Variants in MMRN1 observed in about 807,000 individuals in gnomAD.
MMRN1 encodes multimerin-1.
In MMRN1, 94 loss-of-function variants were observed where a neutral mutation model predicts 100.7. The observed-to-expected ratio is 0.93, with a 90% confidence interval of 0.79 to 1.11. MMRN1 has a LOEUF of 1.11. Among genes scored for constraint, MMRN1 ranks in the 50% least tolerant of loss-of-function variants. The probability of loss-of-function intolerance (pLI) is 0.00; values close to 1 mark genes in which losing one functional copy is unlikely to be tolerated. For missense variants in MMRN1, 1,606 were observed against 1,439.1 expected (o/e 1.12, Z -1.88); for synonymous variants, 575 against 505.0 (o/e 1.14, Z -1.86).
At chr4:89,888,294 G>A (rs1720980890) in intron 1 of MMRN1, among the ~76,000 whole-genome samples, 1 of 151,672 alleles carries the variant, frequency 6.6e-6, no homozygotes, top group Admixed American at 6.6e-5. Context: ...TACTTTTGAA[G>A]GATATTTTTA....
At chr4:89,916,716 T>C (rs1721932385) in intron 3 of MMRN1, among the ~76,000 whole-genome samples, 1 of 151,446 alleles carries the variant, frequency 6.6e-6, no homozygotes, top group Non-Finnish European at 1.5e-5. Context: ...ATTTACTCTC[T>C]CCTCTCCTTC....
rs936052684 is a variant in MMRN1 at position 89,935,612 on chromosome 4, T to C, written c.1932T>C (p.Tyr644=). The C allele has an allele frequency of 6.2e-7, 1 of 1,613,438 alleles. No homozygotes were observed. Among genetic ancestry groups the C allele is most frequent in the Non-Finnish European group, 8.5e-7 (1 of 1,179,742 alleles). The part of the protein sequence containing the change: ...KMSEQLNDLT[Y]DMEILQPLLE... ...GTGAGCAACTAAATGATTTGACTTATGATATGGAGATCCTTCAACCCTTGC... is the reference window on the plus strand; with the variant it reads ...GTGAGCAACTAAATGATTTGACTTACGATATGGAGATCCTTCAACCCTTGC... Residue 644 remains tyrosine, a synonymous_variant, in exon 6 of 8, where the codon TAT becomes TAC. Coordinates refer to ENST00000264790, the MANE Select transcript of MMRN1 (RefSeq NM_007351.3).
In MMRN1 at chr4:89,936,004, T is replaced by G. The variant is rs1005886232; in HGVS notation, c.2324T>G (p.Phe775Cys). Residue 775 changes from phenylalanine (F) to cysteine (C), a missense_variant, in exon 6 of 8, where the codon TTT becomes TGT. Transcript: ENST00000264790. ...TCCGATATGGAAACTATTTTGACAT[T>G]TATTCCTCAGTTCCACCGTCTGAAT... ...CTSDMETILT[F>C]IPQFHRLNDS... The G allele has an allele frequency of 1.9e-6, 3 of 1,613,162 alleles. No individual in the cohort carries two copies. In the African/African-American group the frequency reaches 4.0e-5, roughly 22 times the overall value.
At chr4:89,929,812 G>A (rs974638303) in intron 5 of MMRN1, among the ~76,000 whole-genome samples, 2 of 152,222 alleles carry the variant, frequency 1.3e-5, no homozygotes, top group South Asian at 4.1e-4. Flanking sequence ...CCACCTCCAA[G>A]GTGCTGTGCT....
In MMRN1 at chr4:89,936,505, A is replaced by G. The variant is rs1722644963; in HGVS notation, c.2825A>G (p.Asn942Ser). The G allele has an allele frequency of 6.2e-7, 1 of 1,613,330 alleles. No individual in the cohort carries two copies. Among genetic ancestry groups the G allele is most frequent in the Non-Finnish European group, 8.5e-7 (1 of 1,179,700 alleles). Residue 942 changes from asparagine (N) to serine (S), a missense_variant, in exon 6 of 8, where the codon AAT becomes AGT. By Grantham distance (46) the Asn-to-Ser change is conservative. Coordinates refer to ENST00000264790, the MANE Select transcript of MMRN1 (RefSeq NM_007351.3). ...GCTTCTACAAGTGTGTCAGAACTGA[A>G]TGCTACCATCCCTAAGTGGATAAAA... ...HNASTSVSEL[N>S]ATIPKWIKHS... is the part of the protein sequence containing the mutation.
In MMRN1 at chr4:89,911,935, A is replaced by G. The variant is rs986878934; in HGVS notation, c.744-9A>G. The G allele has an allele frequency of 2.0e-6, 3 of 1,537,034 alleles. No individual in the cohort carries two copies. The highest frequency in any genetic ancestry group is 3.5e-5 in the Admixed American group (2 of 56,404). The stretch of plus-strand genomic sequence containing the variant: ...TAATCGATTTCCCTCCAATTGCTCA[A>G]CTCTCTAGATCTCAGAAGATATCCA... On this transcript the variant is annotated splice_polypyrimidine_tract_variant and intron_variant, in intron 2 of 7. Coordinates refer to ENST00000264790, the MANE Select transcript of MMRN1 (RefSeq NM_007351.3).
chr4:89,891,434 G>T (rs1184485057), upstream of MMRN1, among the ~76,000 whole-genome samples: 2 of 152,032 alleles, frequency 1.3e-5, no homozygotes, highest in Non-Finnish European at 2.9e-5. Context: ...ATAAATATCT[G>T]TTCTAACAAT....
intron 7 of MMRN1, among the ~76,000 whole-genome samples, chr4:89,952,073 A>G (rs374222713): frequency 3.9e-5 from 6 of 152,292 alleles, no homozygotes; most frequent in African/African-American, 1.4e-4. Context: ...TCTGACTGAT[A>G]GAAACACTTT....
chr4:89,908,499 A>G lies in MMRN1; in HGVS notation c.624-777A>G, dbSNP rs1721641576. 2.0e-5 allele frequency among the ~76,000 whole-genome samples: 3 copies of G among 151,512 alleles called. No individual in the cohort carries two copies. In the Admixed American group the frequency reaches 2.0e-4, roughly 10 times the overall value. ...TTGACATATTTGCATTGGGTTTCCCATTAATTAACATGATTCATTGGCTTT... is the reference window on the plus strand; with the variant it reads ...TTGACATATTTGCATTGGGTTTCCCGTTAATTAACATGATTCATTGGCTTT... On this transcript the variant is annotated intron_variant, in intron 1 of 7. Transcript: ENST00000264790.
intron 6 of MMRN1, among the ~76,000 whole-genome samples, chr4:89,948,356 G>A (rs755999741): frequency 8.9e-4 from 135 of 152,100 alleles, no homozygotes; most frequent in Non-Finnish European, 1.7e-3. Flanking sequence ...AGATAGGGGA[G>A]GGTGGCTGAA....
chr4:89,889,337 C>G (rs2110573382), intron 1 of MMRN1, among the ~76,000 whole-genome samples: 1 of 152,278 alleles, frequency 6.6e-6, no homozygotes, highest in South Asian at 2.1e-4. Context: ...TATGTGCCGT[C>G]TTGACATCTG....
At position 89,923,171 on chromosome 4, in the gene MMRN1, A is replaced by AG. The variant is rs1300915579; in HGVS notation, c.856dup (p.Glu286GlyfsTer12). 1.2e-6 allele frequency: 2 copies of AG among 1,613,598 alleles called. No individual in the cohort carries two copies. The highest frequency in any genetic ancestry group is 3.3e-5 in the Admixed American group (2 of 59,986). On this transcript the variant is annotated frameshift_variant, in exon 4 of 8. Transcript: ENST00000264790. LOFTEE classifies it high-confidence loss of function. The stretch of plus-strand genomic sequence containing the variant: ...TTCTCTTTCTGCTTCCTTCTAGCCC[A>AG]GGAACAGCAAAGTTTGATACACACC...
intron 5 of MMRN1, among the ~76,000 whole-genome samples, chr4:89,933,582 A>C (rs1392219551): frequency 6.6e-6 from 1 of 152,200 alleles, no homozygotes; most frequent in Non-Finnish European, 1.5e-5. Context: ...TCGTGGCAGA[A>C]GGTGAAGAAA....
intron 6 of MMRN1, among the ~76,000 whole-genome samples, chr4:89,944,183 T>C (rs1722918435): frequency 6.6e-6 from 1 of 152,212 alleles, no homozygotes; most frequent in Admixed American, 6.5e-5. Context: ...TTGACTTTTG[T>C]ACATTTTAAT....
At chr4:89,926,503 A>T (rs1184494344) in intron 4 of MMRN1, among the ~76,000 whole-genome samples, 1 of 151,600 alleles carries the variant, frequency 6.6e-6, no homozygotes, top group East Asian at 1.9e-4. Context: ...GGCTTGTTTG[A>T]CCTTCTTTTA....
At position 89,935,054 on chromosome 4, in the gene MMRN1, A is replaced by T; in HGVS notation, c.1374A>T (p.Glu458Asp). 6.2e-7 allele frequency: 1 copy of T among 1,613,672 alleles called. No homozygotes were observed. The highest frequency in any genetic ancestry group is 8.5e-7 in the Non-Finnish European group (1 of 1,179,772). ...GGCCCACTTTGACTGATATAGTGGA[A>T]CTAAGGAATCACATTGTGAATGTAA... ...ENRPTLTDIVELRNHIVNVRQ... is the reference protein window; with the variant it reads ...ENRPTLTDIVDLRNHIVNVRQ... The change falls in exon 6 of 8, where the codon GAA becomes GAT. Residue 458 changes from glutamate to aspartate, a missense_variant. Coordinates refer to ENST00000264790, the MANE Select transcript of MMRN1 (RefSeq NM_007351.3).
chr4:89,908,788 A>G (rs1721649434), intron 1 of MMRN1, among the ~76,000 whole-genome samples: 1 of 151,492 alleles, frequency 6.6e-6, no homozygotes, highest in Non-Finnish European at 1.5e-5. Context: ...AATAATCGGC[A>G]TCTAGACCAT....
intron 6 of MMRN1, among the ~76,000 whole-genome samples, chr4:89,938,476 CATATATAT>C (rs372673572): frequency 0.035 from 4,375 of 123,492 alleles, 116 homozygotes; most frequent in African/African-American, 0.071. Flanking sequence ...ATTTTTTAAA[CATATATAT>C]ATATATATAT....
intron 1 of MMRN1, chr4:89,902,259 T>TG (rs1274876322): frequency 5.3e-5 from 8 of 151,698 alleles, no homozygotes; most frequent in Admixed American, 5.3e-4. Context: ...CGCACCAGCA[T>TG]GGCACATGTA....
Sources: allele counts gnomAD v4.1 joint callset (sites outside exome capture counted in the v4.1 genomes callset), GRCh38; gene constraint gnomAD v4.1.1; transcripts MANE v1.5; gene names NCBI Gene and HGNC (gene_info 2026-07-23, HGNC 2026-07-21).